Variants in LCOR observed in about 807,000 individuals in gnomAD.
LCOR encodes ligand dependent nuclear receptor corepressor.
A neutral mutation model predicts 64.4 loss-of-function variants in LCOR; 14 were observed. That is an observed-to-expected ratio of 0.22 (90% CI 0.14 to 0.34). The LOEUF (loss-of-function observed/expected upper bound fraction) is 0.34. Among genes scored for constraint, LCOR ranks in the 10% least tolerant of loss-of-function variants. The pLI is 1.00. For missense variants in LCOR, 1,686 were observed against 1,765.3 expected, an observed-to-expected ratio of 0.96 and a Z score of 0.80; for synonymous variants, 643 against 642.5, an observed-to-expected ratio of 1.00 and a Z score of -0.01.
intron 4 of LCOR, among the ~76,000 whole-genome samples, chr10:96,912,450 T>G (rs1283642856): frequency 6.6e-6 from 1 of 152,212 alleles, no homozygotes; most frequent in Non-Finnish European, 1.5e-5. Context: ...CCCACTAGTG[T>G]CCTTTATCTG....
Position 96,984,124 on chromosome 10 carries a change from C to T in LCOR, c.3664C>T (p.Pro1222Ser), listed in dbSNP as rs759688914. 8 of 1,614,044 alleles carry T rather than the reference C, an allele frequency of 5.0e-6. No individual in the cohort carries two copies. Among genetic ancestry groups the T allele is most frequent in the Admixed American group, 3.3e-5 (2 of 60,002 alleles). ...PVKHPLQKYA[P>S]SSLYPSSLQA... is the part of the protein sequence containing the mutation. Reference sequence around the variant, plus strand: ...CAAGCATCCTCTTCAGAAATACGCTCCTTCCAGCCTATATCCCAGTTCACT... The same window carrying T: ...CAAGCATCCTCTTCAGAAATACGCTTCTTCCAGCCTATATCCCAGTTCACT... Residue 1222 changes from proline (P) to serine (S), a missense_variant, in exon 8 of 8, where the codon CCT (proline) becomes TCT (serine). Physicochemically the swap from Pro to Ser is moderately conservative, Grantham distance 74 (BLOSUM62 -1). Coordinates refer to ENST00000421806, the MANE Select transcript of LCOR (RefSeq NM_001346516.2).
intron 2 of LCOR, among the ~76,000 whole-genome samples, chr10:96,865,863 A>G: frequency 7.1e-6 from 1 of 141,048 alleles, no homozygotes; most frequent in Non-Finnish European, 1.5e-5. Flanking sequence ...AACAAGAGCG[A>G]GACTCTGTCT....
intron 2 of LCOR, among the ~76,000 whole-genome samples, chr10:96,900,960 C>G (rs908205455): frequency 6.6e-6 from 1 of 150,454 alleles, no homozygotes; most frequent in Non-Finnish European, 1.5e-5. Flanking sequence ...GAGGCCAAGG[C>G]GGGCGGATCA....
intron 7 of LCOR, among the ~76,000 whole-genome samples, chr10:96,973,168 T>G (rs1848012607): frequency 1.3e-5 from 2 of 152,206 alleles, no homozygotes; most frequent in African/African-American, 4.8e-5. Context: ...AATCACATAT[T>G]TAACAGCCTG....
chr10:96,921,841 G>A (rs939738299), intron 4 of LCOR, among the ~76,000 whole-genome samples: 13 of 152,300 alleles, frequency 8.5e-5, no homozygotes, highest in East Asian at 1.9e-4. Flanking sequence ...CCATTGAATC[G>A]TGTTGGTACC....
intron 4 of LCOR, among the ~76,000 whole-genome samples, chr10:96,911,312 G>T (rs191004962): frequency 5.9e-5 from 9 of 152,090 alleles, no homozygotes; most frequent in Non-Finnish European, 1.2e-4. Flanking sequence ...TGGCCAGGCT[G>T]GTCTTGAACC....
At chr10:96,875,351 C>T (rs1479420195) in intron 2 of LCOR, among the ~76,000 whole-genome samples, 10 of 151,388 alleles carry the variant, frequency 6.6e-5, no homozygotes, top group African/African-American at 1.2e-4. Context: ...CCAGCCTGGG[C>T]GACAGAGCGA....
chr10:96,988,214 CT>C lies in LCOR; in HGVS notation c.*3081del, dbSNP rs932911507. 3.0e-4 allele frequency: 45 copies of C among 152,256 alleles called. No homozygotes were observed. Among genetic ancestry groups the C allele is most frequent in the African/African-American group, 1.1e-3 (45 of 41,452 alleles). The allele number at this position is 152,256 out of a possible 1,614,324, so 9.4% of individuals were successfully genotyped here. Reference sequence around the variant, plus strand: ...TCACTTGGGGTCCTGAGCCTCACCCCTAGCACTTCCTCAGACAGGTAACAAT... The same window carrying C: ...TCACTTGGGGTCCTGAGCCTCACCCCAGCACTTCCTCAGACAGGTAACAAT... On this transcript the variant is annotated 3_prime_UTR_variant, in exon 8 of 8. Coordinates refer to ENST00000421806, the MANE Select transcript of LCOR (RefSeq NM_001346516.2).
Position 96,903,117 on chromosome 10 carries a change from G to A in LCOR, c.-329-4148G>A, listed in dbSNP as rs190859375. 1.4e-4 allele frequency among the ~76,000 whole-genome samples: 21 copies of A among 152,226 alleles called. No homozygotes were observed. The East Asian group carries it at 4.0e-3, about 29-fold the overall frequency. On this transcript the variant is annotated intron_variant, in intron 2 of 7. Transcript: ENST00000421806. Reference sequence around the variant, plus strand: ...GGTACAGTAAAAATTGTCACACGTGGATAGGGCACTTACCATAAATGGAGA... The same window carrying A: ...GGTACAGTAAAAATTGTCACACGTGAATAGGGCACTTACCATAAATGGAGA...
chr10:96,909,088 A>AT (rs1293243228), intron 4 of LCOR, among the ~76,000 whole-genome samples: 3 of 151,560 alleles, frequency 2.0e-5, no homozygotes, highest in African/African-American at 4.8e-5. Context: ...AACGAATTTC[A>AT]TTTTTTTTCA....
At chr10:96,923,359 T>G (rs1405510506) in intron 4 of LCOR, among the ~76,000 whole-genome samples, 3 of 152,196 alleles carry the variant, frequency 2.0e-5, no homozygotes, top group African/African-American at 4.8e-5. Flanking sequence ...TAAAACAATA[T>G]TACCTAAATT....
At chr10:96,884,761 A>G (rs1846315443) in intron 2 of LCOR, among the ~76,000 whole-genome samples, 1 of 152,086 alleles carries the variant, frequency 6.6e-6, no homozygotes, top group Admixed American at 6.6e-5. Context: ...TTTATGCGAG[A>G]GTCTCAGTTT....
chr10:96,839,461 TGGGA>T (rs1446035401), intron 2 of LCOR, among the ~76,000 whole-genome samples: 1 of 152,138 alleles, frequency 6.6e-6, no homozygotes, highest in Non-Finnish European at 1.5e-5. Context: ...CCCAGTACTA[TGGGA>T]TTACAACTCC....
chr10:96,832,832 C>G (rs965785996), intron 1 of LCOR: 4 of 228,918 alleles, frequency 1.7e-5, no homozygotes, highest in African/African-American at 7.0e-5. Context: ...GTGCTCGGCC[C>G]CCACCCGCGC....
At chr10:96,871,016 T>C (rs1846063841) in intron 2 of LCOR, among the ~76,000 whole-genome samples, 1 of 152,140 alleles carries the variant, frequency 6.6e-6, no homozygotes, top group Non-Finnish European at 1.5e-5. Context: ...GAACAATGAG[T>C]AGATGTGAAC....
intron 7 of LCOR, chr10:96,957,850 A>G: frequency 1.0e-6 from 1 of 985,908 alleles, no homozygotes; most frequent in Admixed American, 6.1e-5. Context: ...CAGTTTAATC[A>G]GTGGATAACT....
At chr10:96,874,985 C>T (rs1373638426) in intron 2 of LCOR, among the ~76,000 whole-genome samples, 1 of 152,018 alleles carries the variant, frequency 6.6e-6, no homozygotes. Flanking sequence ...GAGATTCCAT[C>T]CAGACATCTT....
intron 2 of LCOR, among the ~76,000 whole-genome samples, chr10:96,842,825 T>G (rs770549753): frequency 6.6e-6 from 1 of 151,920 alleles, no homozygotes; most frequent in Non-Finnish European, 1.5e-5. Flanking sequence ...AGAGAGGGGT[T>G]TTACCATGTT....
At chr10:96,926,336 G>C (rs1011433013) in intron 4 of LCOR, among the ~76,000 whole-genome samples, 2 of 152,152 alleles carry the variant, frequency 1.3e-5, no homozygotes, top group African/African-American at 4.8e-5. Flanking sequence ...TTTATGGAAA[G>C]TAAAATACAT....
Sources: gnomAD v4.1 joint callset for allele counts (sites outside exome capture counted in the v4.1 genomes callset) on GRCh38, gnomAD v4.1.1 for gene constraint, MANE v1.5 for transcripts, NCBI Gene and HGNC (gene_info 2026-07-23, HGNC 2026-07-21) for gene names.